Variants in ASTN1 observed in about 807,000 individuals in gnomAD.
ASTN1 encodes the protein astrotactin-1.
ASTN1 carries 41 observed loss-of-function variants against 140.7 expected under a neutral mutation model. That is an observed-to-expected ratio of 0.29 (90% CI 0.23 to 0.38). The LOEUF is 0.38. ASTN1 is among the 10% of genes least tolerant of loss of function. The pLI, the probability that ASTN1 is intolerant of heterozygous loss-of-function variation, is 1.00. For synonymous variants in ASTN1, 640 were observed against 652.2 expected (o/e 0.98, Z 0.29); for missense variants, 1,479 against 1,678.8 (o/e 0.88, Z 2.08).
intron 5 of ASTN1, among the ~76,000 whole-genome samples, chr1:177,027,043 T>A (rs930296748): frequency 6.6e-6 from 1 of 152,162 alleles, no homozygotes; most frequent in Non-Finnish European, 1.5e-5. Context: ...CACCCTAAGC[T>A]CTATTCTAGT....
chr1:176,920,142 G>A (rs1418188497), intron 16 of ASTN1, among the ~76,000 whole-genome samples: 1 of 152,250 alleles, frequency 6.6e-6, no homozygotes, highest in East Asian at 1.9e-4. Flanking sequence ...GAGTGGAATG[G>A]TGCTCTCCCT....
At chr1:176,971,246 T>C (rs1197647233) in intron 8 of ASTN1, among the ~76,000 whole-genome samples, 4 of 152,186 alleles carry the variant, frequency 2.6e-5, no homozygotes, top group African/African-American at 9.7e-5. Context: ...TTTTCTGCTA[T>C]GCAATTGGCT....
rs182942702 is a variant in ASTN1 at position 176,927,195 on chromosome 1, G to A, written c.2671+6957C>T. ...AGTCATTCTTCTCAGCTTTCCTGATGGGAAGGAAGCAACTGGCCAGGACAA... is the reference window on the plus strand; with the variant it reads ...AGTCATTCTTCTCAGCTTTCCTGATAGGAAGGAAGCAACTGGCCAGGACAA... On this transcript the variant is annotated intron_variant, in intron 16 of 22. Coordinates refer to ENST00000361833, the MANE Select transcript of ASTN1 (RefSeq NM_004319.3). Among the ~76,000 whole-genome samples the A allele has an allele frequency of 1.2e-3, 181 of 152,232 alleles. 4 individuals carry two copies. The highest frequency in any genetic ancestry group is 2.8e-4 in the Non-Finnish European group (19 of 68,012).
intron 8 of ASTN1, among the ~76,000 whole-genome samples, chr1:176,990,947 C>T (rs766872617): frequency 1.1e-4 from 16 of 152,330 alleles, no homozygotes; most frequent in South Asian, 1.0e-3. Flanking sequence ...ATGGCCACAT[C>T]TCATTTAAGT....
intron 1 of ASTN1, among the ~76,000 whole-genome samples, chr1:177,109,453 G>C (rs1198803232): frequency 2.0e-5 from 3 of 152,076 alleles, no homozygotes; most frequent in Non-Finnish European, 4.4e-5. Flanking sequence ...GAGAGAGAGA[G>C]AGGGAGAGAG....
intron 1 of ASTN1, among the ~76,000 whole-genome samples, chr1:177,097,483 C>A (rs548163043): frequency 6.6e-6 from 1 of 152,290 alleles, no homozygotes; most frequent in South Asian, 2.1e-4. Flanking sequence ...ATTTCCTCAT[C>A]TGAAAGTGGC....
intron 16 of ASTN1, among the ~76,000 whole-genome samples, chr1:176,924,802 A>T (rs977195254): frequency 6.6e-6 from 1 of 152,220 alleles, no homozygotes; most frequent in African/African-American, 2.4e-5. Context: ...TCATAATTAT[A>T]TGAAAGGAGC....
intron 1 of ASTN1, among the ~76,000 whole-genome samples, chr1:177,081,024 A>C (rs944172081): frequency 6.6e-6 from 1 of 152,212 alleles, no homozygotes; most frequent in Admixed American, 6.5e-5. Flanking sequence ...AGAGATAACA[A>C]GCTCTAGAAA....
chr1:177,160,325 A>G (rs1348376259), intron 1 of ASTN1, among the ~76,000 whole-genome samples: 1 of 152,192 alleles, frequency 6.6e-6, no homozygotes, highest in Non-Finnish European at 1.5e-5. Context: ...TTCAAAGCCT[A>G]TTCTTTTAAC....
intron 1 of ASTN1, 94 bp downstream of exon 1, chr1:177,164,300 G>A (rs1020383067): frequency 5.4e-6 from 7 of 1,308,216 alleles, no homozygotes; most frequent in Admixed American, 2.8e-5. Flanking sequence ...GGGAGGGGAG[G>A]TCGTCGGCGA....
At chr1:176,929,561 A>G (rs1323915494) in intron 16 of ASTN1, among the ~76,000 whole-genome samples, 1 of 152,186 alleles carries the variant, frequency 6.6e-6, no homozygotes, top group Non-Finnish European at 1.5e-5. Context: ...AAACATAAAT[A>G]TGTGCTTTTT....
chr1:177,162,680 T>G (rs1647451007), intron 1 of ASTN1, among the ~76,000 whole-genome samples: 1 of 152,192 alleles, frequency 6.6e-6, no homozygotes, highest in Admixed American at 6.5e-5. Context: ...CAGTAAACAC[T>G]ACAAGCAGAG....
At chr1:177,030,360 A>AT (rs34442040) in intron 4 of ASTN1, among the ~76,000 whole-genome samples, 45 of 151,958 alleles carry the variant, frequency 3.0e-4, no homozygotes, top group East Asian at 1.9e-4. Context: ...TTATAACTTC[A>AT]TTTTTTTTCC....
intron 8 of ASTN1, among the ~76,000 whole-genome samples, chr1:176,995,219 G>A (rs1032760438): frequency 3.3e-5 from 5 of 152,176 alleles, no homozygotes; most frequent in Non-Finnish European, 7.3e-5. Flanking sequence ...AGATAAATAA[G>A]ACACAGCCCT....
chr1:176,964,406 C>A (rs1332728490), intron 9 of ASTN1, among the ~76,000 whole-genome samples: 3 of 152,080 alleles, frequency 2.0e-5, no homozygotes, highest in Non-Finnish European at 2.9e-5. Flanking sequence ...AGGAACTCAG[C>A]AAATGTATGT....
chr1:176,911,341 T>C (rs1291109954), intron 16 of ASTN1, among the ~76,000 whole-genome samples: 1 of 152,134 alleles, frequency 6.6e-6, no homozygotes, highest in Non-Finnish European at 1.5e-5. Context: ...CTAAATTTAC[T>C]TTTGTTTTTC....
chr1:176,967,200 A>T (rs1169823508), intron 8 of ASTN1, among the ~76,000 whole-genome samples: 1 of 152,172 alleles, frequency 6.6e-6, no homozygotes. Flanking sequence ...GTATCCAAAC[A>T]ATGTACTGTG....
intron 19 of ASTN1, among the ~76,000 whole-genome samples, chr1:176,883,561 T>C (rs1430882523): frequency 6.6e-6 from 1 of 152,210 alleles, no homozygotes; most frequent in East Asian, 1.9e-4. Flanking sequence ...GTCCCTGCCG[T>C]ACCTCAGCAA....
intron 1 of ASTN1, among the ~76,000 whole-genome samples, chr1:177,119,237 T>G (rs1681256795): frequency 6.6e-6 from 1 of 152,204 alleles, no homozygotes; most frequent in South Asian, 2.1e-4. Flanking sequence ...CATTCATCCC[T>G]TTATCTTCAT....
Sources: gnomAD v4.1 joint callset for allele counts (sites outside exome capture counted in the v4.1 genomes callset) on GRCh38, gnomAD v4.1.1 for gene constraint, MANE v1.5 for transcripts, NCBI Gene and HGNC (gene_info 2026-07-23, HGNC 2026-07-21) for gene names.